The following PCDHGA1 variants were observed in gnomAD, a reference collection of about 807,000 sequenced individuals.
PCDHGA1 encodes protocadherin gamma subfamily A, 1, also known as protocadherin gamma-A1.
In PCDHGA1, 32 loss-of-function variants were observed where a neutral mutation model predicts 58.0. That is an observed-to-expected ratio of 0.55 (90% confidence interval 0.42 to 0.74). PCDHGA1 has a LOEUF of 0.74. Ranked by LOEUF, PCDHGA1 falls within the 30% of genes least tolerant of loss-of-function variation. PCDHGA1 has a pLI of 0.00. For synonymous variants in PCDHGA1, 498 were observed against 501.1 expected (o/e 0.99, Z 0.08); for missense variants, 1,205 against 1,182.3 (o/e 1.02, Z -0.28).
intron 2 of PCDHGA1, among the ~76,000 whole-genome samples, chr5:141,500,035 CTT>C: frequency 6.6e-6 from 1 of 152,100 alleles, no homozygotes; most frequent in East Asian, 1.9e-4. Flanking sequence ...GTGAGTGTCT[CTT>C]AAGTATCTTA....
chr5:141,511,403 A>C lies in PCDHGA1; in HGVS notation c.*230A>C. On this transcript the variant is annotated 3_prime_UTR_variant, in exon 4 of 4. Coordinates refer to ENST00000517417, the MANE Select transcript of PCDHGA1 (RefSeq NM_018912.3). Reference sequence around the variant, plus strand: ...TCCGCTGGGAACCCCCATCCAATCAACTGCTGTACCCATGGGGGTAGTGGG... The same window carrying C: ...TCCGCTGGGAACCCCCATCCAATCACCTGCTGTACCCATGGGGGTAGTGGG... 8.5e-6 allele frequency: 8 copies of C among 939,018 alleles called. No individual in the cohort carries two copies. The highest frequency in any genetic ancestry group is 1.2e-5 in the Non-Finnish European group (8 of 650,834). The allele number at this position is 939,018 out of a possible 1,614,324, so 58.2% of individuals were successfully genotyped here. A position where few individuals can be genotyped will look rare whatever the true frequency, so the allele number is the denominator to read the frequency against.
rs759839362 is a variant in PCDHGA1 at position 141,351,387 on chromosome 5, G to T, written c.2421+18282G>T. 8 of 1,611,986 alleles carry T rather than the reference G, an allele frequency of 5.0e-6. No individual in the cohort carries two copies. The South Asian group carries it at 7.7e-5, about 16-fold the overall frequency. On this transcript the variant is annotated intron_variant, in intron 1 of 3. Transcript: ENST00000517417. ...CGAGACAAGGATTCTGGGCAAAATG[G>T]CATGGTGACATGCTATACTCAGGAA...
intron 1 of PCDHGA1, chr5:141,402,883 G>A (rs1418475947): frequency 6.7e-7 from 1 of 1,483,116 alleles, no homozygotes; most frequent in South Asian, 1.4e-5. Flanking sequence ...ACTTTGCAGG[G>A]TGGAAGAAAG....
At chr5:141,394,764 C>T in intron 1 of PCDHGA1, 3 of 1,613,450 alleles carry the variant, frequency 1.9e-6, no homozygotes, top group Middle Eastern at 1.6e-4. Flanking sequence ...GGACCATGGC[C>T]AGCCCCCTCT....
chr5:141,437,978 C>T (rs1014157103), intron 1 of PCDHGA1, among the ~76,000 whole-genome samples: 2 of 152,212 alleles, frequency 1.3e-5, no homozygotes, highest in East Asian at 1.9e-4. Context: ...TCTTGGGATG[C>T]ACCCACCCCA....
At chr5:141,383,373 G>A (rs759862188) in intron 1 of PCDHGA1, 2 of 1,614,030 alleles carry the variant, frequency 1.2e-6, no homozygotes, top group South Asian at 2.2e-5. Flanking sequence ...GCGAGGCTGG[G>A]GATCCAGATG....
intron 1 of PCDHGA1, chr5:141,384,258 C>T: frequency 6.2e-7 from 1 of 1,613,896 alleles, no homozygotes; most frequent in Non-Finnish European, 8.5e-7. Flanking sequence ...CCACCTTCCC[C>T]CACTCATCCT....
intron 1 of PCDHGA1, chr5:141,366,989 A>G (rs546484165): frequency 2.1e-6 from 1 of 480,916 alleles, no homozygotes; most frequent in African/African-American, 2.0e-5. Flanking sequence ...GAAAGTGGTT[A>G]AATATAATCA....
At chr5:141,483,757 C>T (rs895694800) in intron 1 of PCDHGA1, among the ~76,000 whole-genome samples, 1 of 151,984 alleles carries the variant, frequency 6.6e-6, no homozygotes, top group Non-Finnish European at 1.5e-5. Flanking sequence ...AGGATCGAGG[C>T]TTGGAAAAAT....
intron 1 of PCDHGA1, chr5:141,399,802 C>G: frequency 3.1e-6 from 5 of 1,613,252 alleles, no homozygotes; most frequent in Non-Finnish European, 3.4e-6. Flanking sequence ...ACCGCGGGTG[C>G]TGTACCCCGC....
At chr5:141,430,986 C>T (rs549700048) in intron 1 of PCDHGA1, 3 of 1,613,762 alleles carry the variant, frequency 1.9e-6, no homozygotes, top group East Asian at 2.2e-5. Flanking sequence ...CAGCTTTTCG[C>T]CCTGAATCCG....
intron 1 of PCDHGA1, chr5:141,366,994 T>C (rs991537979): frequency 6.5e-6 from 3 of 463,862 alleles, no homozygotes; most frequent in Non-Finnish European, 1.1e-5. Flanking sequence ...TGGTTAAATA[T>C]AATCATTTTA....
At chr5:141,444,188 T>TTTTTTTTTTG (rs2098424052) in intron 1 of PCDHGA1, among the ~76,000 whole-genome samples, 1 of 129,374 alleles carries the variant, frequency 7.7e-6, no homozygotes, top group African/African-American at 3.1e-5. Flanking sequence ...TTTTTTTTTT[T>TTTTTTTTTTG]GAGATGGAGT....
intron 1 of PCDHGA1, among the ~76,000 whole-genome samples, chr5:141,347,734 C>A (rs1298834952): frequency 6.6e-6 from 1 of 151,324 alleles, no homozygotes; most frequent in Non-Finnish European, 1.5e-5. Flanking sequence ...TTGCAGAGAG[C>A]CAAAATTGGG....
chr5:141,374,428 T>C, intron 1 of PCDHGA1: 1 of 1,613,952 alleles, frequency 6.2e-7, no homozygotes, highest in Admixed American at 1.7e-5. Flanking sequence ...ATAAACTGAA[T>C]CTTTATCCCG....
chr5:141,367,760 C>T (rs1765322147), intron 1 of PCDHGA1: 1 of 152,102 alleles, frequency 6.6e-6, no homozygotes, highest in Non-Finnish European at 1.5e-5. Flanking sequence ...TACTGCTGCA[C>T]TCAATAAATG....
intron 1 of PCDHGA1, among the ~76,000 whole-genome samples, chr5:141,354,431 C>T (rs1249877001): frequency 6.6e-6 from 1 of 152,232 alleles, no homozygotes; most frequent in Non-Finnish European, 1.5e-5. Flanking sequence ...AAATTCTCTT[C>T]CCAAACCTAT....
chr5:141,345,579 G>C lies in PCDHGA1; in HGVS notation c.2421+12474G>C, dbSNP rs751237664. 5.6e-6 allele frequency: 9 copies of C among 1,614,042 alleles called. No individual in the cohort carries two copies. The highest frequency in any genetic ancestry group is 5.9e-6 in the Non-Finnish European group (7 of 1,180,044). On this transcript the variant is annotated intron_variant, in intron 1 of 3. Transcript: ENST00000517417. The stretch of plus-strand genomic sequence containing the variant: ...CAACTCCAACACTGGCGTCCTATAC[G>C]CGCTGAGATCCTTCGACTACGAGCA...
intron 2 of PCDHGA1, among the ~76,000 whole-genome samples, chr5:141,501,700 C>T (rs936448354): frequency 6.6e-6 from 1 of 151,950 alleles, no homozygotes; most frequent in African/African-American, 2.4e-5. Flanking sequence ...AGGGTGATTC[C>T]GAGGATAAAA....
Sources: gnomAD v4.1 joint callset for allele counts (sites outside exome capture counted in the v4.1 genomes callset) on GRCh38, gnomAD v4.1.1 for gene constraint, MANE v1.5 for transcripts, NCBI Gene and HGNC (gene_info 2026-07-23, HGNC 2026-07-21) for gene names.